The following GRM8 variants were observed in gnomAD, a reference collection of about 807,000 sequenced individuals.
The protein encoded by GRM8 is glutamate metabotropic receptor 8, also known as metabotropic glutamate receptor 8.
In GRM8, 47 loss-of-function variants were observed where a neutral mutation model predicts 87.2. The ratio of observed to expected loss-of-function variants is 0.54; its 90% CI spans 0.43 to 0.69. GRM8 has a LOEUF of 0.69. Ranked by LOEUF, GRM8 falls within the 30% of genes least tolerant of loss-of-function variation. GRM8 has a pLI of 0.00. For synonymous variants in GRM8, 396 were observed against 404.5 expected (o/e 0.98, Z 0.25); for missense variants, 1,019 against 1,139.2 (o/e 0.89, Z 1.52).
intron 9 of GRM8, among the ~76,000 whole-genome samples, chr7:126,522,525 G>A (rs566721735): frequency 4.0e-5 from 6 of 151,844 alleles, no homozygotes; most frequent in African/African-American, 1.2e-4. Flanking sequence ...ATAATTTTTC[G>A]CCCACACTGG....
rs79923573 is a variant in GRM8 at position 126,475,132 on chromosome 7, G to A, written c.2431-28760C>T. 3.9e-5 allele frequency among the ~76,000 whole-genome samples: 6 copies of A among 152,010 alleles called. No homozygotes were observed. In the East Asian group the frequency reaches 9.7e-4, roughly 25 times the overall value. On this transcript the variant is annotated intron_variant, in intron 9 of 10. Transcript: ENST00000339582. Reference sequence around the variant, plus strand: ...CATAGTATTGGGAGTTGTAACCAAAGCAATTATGCAAGAATAAAAAGATAA... The same window carrying A: ...CATAGTATTGGGAGTTGTAACCAAAACAATTATGCAAGAATAAAAAGATAA...
intron 3 of GRM8, among the ~76,000 whole-genome samples, chr7:127,040,880 A>G (rs926651416): frequency 6.6e-6 from 1 of 152,216 alleles, no homozygotes; most frequent in African/African-American, 2.4e-5. Context: ...GAATGGGAAA[A>G]ACAAACAGTA....
intron 6 of GRM8, among the ~76,000 whole-genome samples, chr7:126,785,723 G>C (rs1266962773): frequency 6.6e-6 from 1 of 152,042 alleles, no homozygotes; most frequent in Admixed American, 6.6e-5. Flanking sequence ...GGAGGAATTA[G>C]AGCCACAACG....
chr7:126,646,681 C>T (rs2151224765), intron 7 of GRM8, among the ~76,000 whole-genome samples: 1 of 152,280 alleles, frequency 6.6e-6, no homozygotes, highest in Non-Finnish European at 1.5e-5. Context: ...TATCTATAAA[C>T]TTTTAAACCT....
chr7:126,590,458 T>A (rs1381826218), intron 8 of GRM8, among the ~76,000 whole-genome samples: 1 of 152,084 alleles, frequency 6.6e-6, no homozygotes, highest in East Asian at 1.9e-4. Context: ...TATGGGAGAA[T>A]AATCGAGGAA....
In GRM8 at chr7:127,098,969, C is replaced by T. The variant is rs116244685; in HGVS notation, c.727+7527G>A. The stretch of plus-strand genomic sequence containing the variant: ...ATATGTTCTCTCATATTCCTTTTAT[C>T]TTCAAAGATAAAGCTTTAGCTTCCT... On this transcript the variant is annotated intron_variant, in intron 3 of 10. Transcript: ENST00000339582. Among the ~76,000 whole-genome samples the T allele has an allele frequency of 7.5e-4, 114 of 152,264 alleles. 1 individual carries two copies. The Middle Eastern group carries it at 0.01, about 14-fold the overall frequency.
At chr7:126,925,441 C>T (rs558652780) in intron 3 of GRM8, among the ~76,000 whole-genome samples, 4 of 152,202 alleles carry the variant, frequency 2.6e-5, no homozygotes, top group African/African-American at 7.2e-5. Flanking sequence ...CTAAACAATA[C>T]AATTCTGAAA....
chr7:127,220,768 T>A (rs920680804), intron 2 of GRM8, among the ~76,000 whole-genome samples: 1 of 152,180 alleles, frequency 6.6e-6, no homozygotes, highest in Admixed American at 6.5e-5. Context: ...GGATTACAGG[T>A]GTCAGCCACT....
intron 2 of GRM8, among the ~76,000 whole-genome samples, chr7:127,240,934 G>A (rs1490648037): frequency 6.6e-6 from 1 of 152,122 alleles, no homozygotes; most frequent in Non-Finnish European, 1.5e-5. Context: ...AGTTTCCCTT[G>A]AAGGTTTCCA....
chr7:126,606,123 G>C (rs1798319407), intron 8 of GRM8, among the ~76,000 whole-genome samples: 1 of 152,142 alleles, frequency 6.6e-6, no homozygotes, highest in African/African-American at 2.4e-5. Flanking sequence ...TGAGTGCAGA[G>C]GGATTTTCCA....
intron 9 of GRM8, among the ~76,000 whole-genome samples, chr7:126,490,011 G>A (rs1807818726): frequency 6.6e-6 from 1 of 151,976 alleles, no homozygotes; most frequent in Admixed American, 6.6e-5. Flanking sequence ...TAGTTTTCAG[G>A]CCTTCAGCCT....
At chr7:126,458,176 G>C (rs1000410402) in intron 9 of GRM8, among the ~76,000 whole-genome samples, 1 of 150,880 alleles carries the variant, frequency 6.6e-6, no homozygotes, top group East Asian at 2.0e-4. Flanking sequence ...AGAAACATGA[G>C]AACATAGTAA....
At chr7:126,852,700 G>A (rs1384620778) in intron 6 of GRM8, among the ~76,000 whole-genome samples, 1 of 152,066 alleles carries the variant, frequency 6.6e-6, no homozygotes, top group Non-Finnish European at 1.5e-5. Context: ...GCAAAATCTA[G>A]TGATGTGTGA....
At chr7:126,573,366 T>C (rs1794843294) in intron 8 of GRM8, among the ~76,000 whole-genome samples, 1 of 152,104 alleles carries the variant, frequency 6.6e-6, no homozygotes, top group Admixed American at 6.5e-5. Context: ...GAGCAAAGTA[T>C]ATATATTTTA....
intron 3 of GRM8, among the ~76,000 whole-genome samples, chr7:127,096,601 C>G (rs1824681147): frequency 6.6e-6 from 1 of 151,888 alleles, no homozygotes; most frequent in Admixed American, 6.6e-5. Flanking sequence ...TGAACACTAG[C>G]CATGAGCCAC....
At chr7:126,957,505 G>T (rs970036330) in intron 3 of GRM8, among the ~76,000 whole-genome samples, 1 of 152,162 alleles carries the variant, frequency 6.6e-6, no homozygotes. Flanking sequence ...CACGACCCCC[G>T]CAGGCTCAGA....
In GRM8 at chr7:126,868,791, T is replaced by C. The variant is rs1231032445; in HGVS notation, c.1156+33751A>G. 2.0e-5 allele frequency: 3 copies of C among 152,240 alleles called. No individual in the cohort carries two copies. The East Asian group carries it at 5.8e-4, about 29-fold the overall frequency. The allele number at this position is 152,240 out of a possible 1,614,324, so 9.4% of individuals were successfully genotyped here. A position where few individuals can be genotyped will look rare whatever the true frequency, so the allele number is the denominator to read the frequency against. On this transcript the variant is annotated intron_variant, in intron 6 of 10. Coordinates refer to ENST00000339582, the MANE Select transcript of GRM8 (RefSeq NM_000845.3). ...TTCAGCATGAGCTTCAGCAAGTCACTTTCTGCTGGTGGAGGTTCTTGCCTC... is the reference window on the plus strand; with the variant it reads ...TTCAGCATGAGCTTCAGCAAGTCACCTTCTGCTGGTGGAGGTTCTTGCCTC...
chr7:126,993,032 G>A (rs1812827100), intron 3 of GRM8, among the ~76,000 whole-genome samples: 2 of 152,004 alleles, frequency 1.3e-5, no homozygotes, highest in South Asian at 4.1e-4. Context: ...TTTTGTTATG[G>A]CATCCCAAGC....
At chr7:127,249,967 G>A (rs1374875836) in intron 1 of GRM8, among the ~76,000 whole-genome samples, 1 of 152,158 alleles carries the variant, frequency 6.6e-6, no homozygotes, top group African/African-American at 2.4e-5. Flanking sequence ...AAGACACTGG[G>A]ACAGAGCAAC....
Sources: allele counts gnomAD v4.1 joint callset (sites outside exome capture counted in the v4.1 genomes callset), GRCh38; gene constraint gnomAD v4.1.1; transcripts MANE v1.5; gene names NCBI Gene and HGNC (gene_info 2026-07-23, HGNC 2026-07-21).